FER1L5: variants seen among roughly 807,000 people sequenced by gnomAD.
The protein encoded by FER1L5 is fer-1-like protein 5.
FER1L5 carries 187 observed loss-of-function variants against 279.9 expected under a neutral mutation model. The ratio of observed to expected loss-of-function variants is 0.67; its 90% CI spans 0.59 to 0.75. FER1L5 has a LOEUF of 0.75. FER1L5 is among the 30% of genes least tolerant of loss of function. The pLI is 0.00. For synonymous variants in FER1L5, 921 were observed against 989.7 expected (o/e 0.93, Z 1.30); for missense variants, 2,091 against 2,594.4 (o/e 0.81, Z 4.21).
At chr2:96,669,995 G>T in intron 17 of FER1L5, 124 bp from the exon 18 acceptor site, 2 of 1,296,814 alleles carry the variant, frequency 1.5e-6, no homozygotes, top group Non-Finnish European at 2.1e-6. Context: ...CGGGATTGTG[G>T]TTGCAGTAAG....
At chr2:96,644,200 T>G (rs1212608933) in intron 1 of FER1L5, among the ~76,000 whole-genome samples, 34 of 114,668 alleles carry the variant, frequency 3.0e-4, no homozygotes, top group South Asian at 2.8e-4. Flanking sequence ...AGAAAGAGGC[T>G]GGGCATGGTG....
At position 96,704,748 on chromosome 2, in the gene FER1L5, G is replaced by C; in HGVS notation, c.*56G>C. On this transcript the variant is annotated 3_prime_UTR_variant, in exon 53 of 53. Coordinates refer to ENST00000624922, the MANE Select transcript of FER1L5 (RefSeq NM_001293083.2). ...TACCAACAGCCCTCCCCTTGGGCTG[G>C]CTACCAGTTCTTTGTTTCTATCTTC... is the stretch of plus-strand genomic sequence containing the variant. The C allele has an allele frequency of 4.4e-6, 6 of 1,359,782 alleles. No individual in the cohort carries two copies. The highest frequency in any genetic ancestry group is 6.3e-6 in the Non-Finnish European group (6 of 955,488). 84.2% of individuals were successfully genotyped at this position (1,359,782 alleles called of 1,614,324 possible).
At chr2:96,670,059 G>A in intron 17 of FER1L5, 60 bp from the exon 18 acceptor site, 2 of 1,546,478 alleles carry the variant, frequency 1.3e-6, no homozygotes, top group Non-Finnish European at 1.7e-6. Flanking sequence ...GGTTTCAAAG[G>A]AGATTGGCCT....
At position 96,663,621 on chromosome 2, in the gene FER1L5, G is replaced by T. The variant is rs2076027058; in HGVS notation, c.1140+114G>T. On this transcript the variant is annotated intron_variant, in intron 14 of 52. Transcript: ENST00000624922. ...GGTGGGGGCCAAAAAGCATGGCAAG[G>T]GGGACTCTGCCTGATAGGGAGCATG... The T allele has an allele frequency of 1.8e-5, 21 of 1,174,080 alleles. No homozygotes were observed. The South Asian group carries it at 2.8e-4, about 16-fold the overall frequency. The allele number at this position is 1,174,080 out of a possible 1,614,324, so 72.7% of individuals were successfully genotyped here.
intron 19 of FER1L5, among the ~76,000 whole-genome samples, chr2:96,680,568 C>T (rs541232550): frequency 2.6e-5 from 4 of 152,082 alleles, no homozygotes; most frequent in East Asian, 3.9e-4. Flanking sequence ...TTAAATTACT[C>T]GGCATCTCCC....
intron 20 of FER1L5, 133 bp downstream of exon 20, chr2:96,684,584 A>G (rs759309251): frequency 3.1e-6 from 4 of 1,304,828 alleles, no homozygotes; most frequent in Non-Finnish European, 1.0e-6. Context: ...ACTGTTGAGA[A>G]GAATGTGCCA....
In FER1L5 at chr2:96,702,008, C is replaced by G; in HGVS notation, c.5124C>G (p.Gly1708=). The change falls in exon 46 of 53, where the codon GGC becomes GGG. Residue 1708 remains glycine (G), a synonymous_variant. Transcript: ENST00000624922. This position sits in a 1 kb window ranked among gnomAD's most constrained non-coding sequence, Gnocchi z 4.0. ...DIFPKKLGPP[G]PQVNINPRKP... ...TCCCCAAGAAGCTGGGGCCTCCTGGCCCCCAAGTCAACATCAACCCCAGAA... is the reference window on the plus strand; with the variant it reads ...TCCCCAAGAAGCTGGGGCCTCCTGGGCCCCAAGTCAACATCAACCCCAGAA... The G allele has an allele frequency of 6.2e-7, 1 of 1,614,018 alleles. No individual in the cohort carries two copies. The highest frequency in any genetic ancestry group is 2.2e-5 in the East Asian group (1 of 44,882).
intron 1 of FER1L5, among the ~76,000 whole-genome samples, chr2:96,644,475 C>G (rs1478228608): frequency 6.6e-6 from 1 of 150,838 alleles, no homozygotes; most frequent in East Asian, 1.9e-4. Flanking sequence ...AAGCAAGAGT[C>G]TGTCAGAAAG....
chr2:96,643,547 A>C (rs1364014227), intron 1 of FER1L5, among the ~76,000 whole-genome samples: 1 of 151,822 alleles, frequency 6.6e-6, no homozygotes, highest in South Asian at 2.1e-4. Flanking sequence ...ACGGGGTTTC[A>C]CCATATTGGT....
chr2:96,659,290 T>TTCCTTCCTTCC lies in FER1L5; in HGVS notation c.748-1050_748-1049insCCTTCCTTCCT, dbSNP rs1553449027. 4.9e-3 allele frequency among the ~76,000 whole-genome samples: 396 copies of TTCCTTCCTTCC among 81,046 alleles called. 24 individuals carry two copies. Among genetic ancestry groups the TTCCTTCCTTCC allele is most frequent in the African/African-American group, 0.013 (263 of 20,378 alleles). The allele number at this position is 81,046 out of a possible 152,430, so 53.2% of individuals were successfully genotyped here. On this transcript the variant is annotated intron_variant, in intron 9 of 52. Transcript: ENST00000624922. ...TTTGATGAAGTCCAATTTATCAAGC[T>TTCCTTCCTTCC]TTCCTTCCTTCCTTCCTTCCTTCCT...
chr2:96,669,039 C>T lies in FER1L5; in HGVS notation c.1268-4C>T, dbSNP rs1305661755. The T allele has an allele frequency of 5.2e-6, 8 of 1,551,704 alleles. No homozygotes were observed. Among genetic ancestry groups the T allele is most frequent in the South Asian group, 1.2e-5 (1 of 84,060 alleles). ...CCGACCCTTCTCACTCTCTCTCCTT[C>T]CAGGAGTGTACTCCGGCTTCCTGCC... On this transcript the variant is annotated splice_polypyrimidine_tract_variant and splice_region_variant and intron_variant, in intron 16 of 52. Transcript: ENST00000624922.
chr2:96,663,605 C>CA, intron 14 of FER1L5, 98 bp downstream of exon 14: 1 of 1,352,198 alleles, frequency 7.4e-7, no homozygotes. Flanking sequence ...GGGTGGGGGC[C>CA]AAAAAGCATG....
At chr2:96,659,036 C>A (rs1410929445) in intron 9 of FER1L5, among the ~76,000 whole-genome samples, 1 of 151,964 alleles carries the variant, frequency 6.6e-6, no homozygotes, top group South Asian at 2.1e-4. Context: ...AGCTCCACCC[C>A]CTGGGTTCAT....
intron 6 of FER1L5, among the ~76,000 whole-genome samples, chr2:96,650,497 G>A (rs933429802): frequency 3.3e-5 from 5 of 152,204 alleles, no homozygotes; most frequent in Non-Finnish European, 1.5e-5. Flanking sequence ...CAGAGCTCCA[G>A]TGAGGTAGTA....
intron 19 of FER1L5, among the ~76,000 whole-genome samples, chr2:96,680,965 C>T (rs2076700923): frequency 6.6e-6 from 1 of 152,258 alleles, no homozygotes; most frequent in African/African-American, 2.4e-5. Flanking sequence ...CAGCCTTGAA[C>T]TCCTGGCCTC....
chr2:96,656,638 A>C (rs2075610284), intron 9 of FER1L5, among the ~76,000 whole-genome samples: 1 of 152,210 alleles, frequency 6.6e-6, no homozygotes, highest in African/African-American at 2.4e-5. Context: ...TCAAAAAAAC[A>C]AAAACAAAAA....
chr2:96,685,232 G>A (rs1386442069), intron 20 of FER1L5, 97 bp from the exon 21 acceptor site: 11 of 1,059,892 alleles, frequency 1.0e-5, no homozygotes, highest in East Asian at 2.6e-5. Context: ...TCCCAAGGTC[G>A]TGGCTGAAAA....
At chr2:96,655,064 G>A (rs530911841) in intron 9 of FER1L5, among the ~76,000 whole-genome samples, 3 of 152,054 alleles carry the variant, frequency 2.0e-5, no homozygotes, top group Non-Finnish European at 4.4e-5. Flanking sequence ...TATATATAAC[G>A]TTTATGAAAG....
chr2:96,679,872 C>T (rs553849691), intron 19 of FER1L5, among the ~76,000 whole-genome samples: 2 of 152,196 alleles, frequency 1.3e-5, no homozygotes, highest in African/African-American at 2.4e-5. Context: ...TCTAATCTCC[C>T]GTGGACTACT....
Sources: gnomAD v4.1 joint callset for allele counts (sites outside exome capture counted in the v4.1 genomes callset) on GRCh38, gnomAD v4.1.1 for gene constraint, Gnocchi (gnomAD v3.1) non-coding constraint, MANE v1.5 for transcripts, NCBI Gene and HGNC (gene_info 2026-07-23, HGNC 2026-07-21) for gene names.